The following WNK2 variants were observed in gnomAD, a reference collection of about 807,000 sequenced individuals.
WNK2 encodes serine/threonine-protein kinase WNK2.
Under a neutral mutation model 192.1 loss-of-function variants are expected in WNK2, and 67 were observed. The ratio of observed to expected loss-of-function variants is 0.35; its 90% CI spans 0.29 to 0.43. The LOEUF (loss-of-function observed/expected upper bound fraction) is 0.43, where lower values mean the gene tolerates loss of function less well. WNK2 is among the 20% of genes least tolerant of loss of function. The probability of loss-of-function intolerance (pLI) is 1.00; values close to 1 mark genes in which losing one functional copy is unlikely to be tolerated. For missense variants in WNK2, 2,698 were observed against 3,089.7 expected, an observed-to-expected ratio of 0.87 and a Z score of 3.01; for synonymous variants, 1,439 against 1,393.9, an observed-to-expected ratio of 1.03 and a Z score of -0.72.
chr9:93,186,023 A>G (rs1176062568), intron 2 of WNK2, among the ~76,000 whole-genome samples: 4 of 152,152 alleles, frequency 2.6e-5, no homozygotes, highest in African/African-American at 9.7e-5. Flanking sequence ...TGGAGGCTTC[A>G]AGGCCCGGTG....
chr9:93,253,655 C>T (rs1178177845), intron 9 of WNK2, among the ~76,000 whole-genome samples: 1 of 151,880 alleles, frequency 6.6e-6, no homozygotes, highest in Non-Finnish European at 1.5e-5. Flanking sequence ...GAAAATAGGG[C>T]GGGGATGAGG....
intron 2 of WNK2, among the ~76,000 whole-genome samples, chr9:93,213,737 C>T (rs7026078): frequency 0.13 from 19,106 of 151,926 alleles, 1,838 homozygotes; most frequent in East Asian, 0.31. Context: ...TGCAGTAAGC[C>T]GAGATCACAC....
In WNK2 at chr9:93,253,055, G is replaced by T; in HGVS notation, c.2007G>T (p.Leu669=). 6.6e-7 allele frequency: 1 copy of T among 1,509,496 alleles called. No individual in the cohort carries two copies. Among genetic ancestry groups the T allele is most frequent in the East Asian group, 2.6e-5 (1 of 39,002 alleles). 93.5% of individuals were successfully genotyped at this position (1,509,496 alleles called of 1,614,324 possible). A position where few individuals can be genotyped will look rare whatever the true frequency, so the allele number is the denominator to read the frequency against. Residue 669 remains leucine, a synonymous_variant, in exon 9 of 30, where the codon CTG becomes CTT. Coordinates refer to ENST00000427277, the MANE Select transcript of WNK2 (RefSeq NM_006648.4). ...TCCTGCCGCAGAGCCTGCCCTCGCT[G>T]GGGGCCTACCAGCAGCCCACGGCTG... ...GPVLPQSLPS[L]GAYQQPTAAP...
intron 28 of WNK2, among the ~76,000 whole-genome samples, chr9:93,311,012 T>G (rs1303671096): frequency 6.6e-6 from 1 of 152,158 alleles, no homozygotes; most frequent in Non-Finnish European, 1.5e-5. Flanking sequence ...ACTGTTCATC[T>G]CCATCTCTTT....
At chr9:93,203,984 T>C (rs1385895683) in intron 2 of WNK2, among the ~76,000 whole-genome samples, 3 of 151,940 alleles carry the variant, frequency 2.0e-5, no homozygotes, top group South Asian at 2.1e-4. Context: ...CCTGGAGACA[T>C]TGATGGGGCT....
intron 28 of WNK2, among the ~76,000 whole-genome samples, chr9:93,314,710 G>A (rs972356947): frequency 6.6e-6 from 1 of 152,156 alleles, no homozygotes; most frequent in Non-Finnish European, 1.5e-5. Flanking sequence ...AAAAATGGGT[G>A]CCCTTTACAG....
In WNK2 at chr9:93,308,533, G is replaced by A; in HGVS notation, c.6465G>A (p.Leu2155=). 6.2e-7 allele frequency: 1 copy of A among 1,603,520 alleles called. No individual in the cohort carries two copies. The highest frequency in any genetic ancestry group is 1.7e-5 in the Admixed American group (1 of 58,838). ...TLNQLKQTQK[L]QDMEAQAGWA... ...ACCAGCTGAAGCAGACCCAGAAGCT[G>A]CAAGACATGGAGGCCCAGGCAGGCT... Residue 2155 remains leucine, a synonymous_variant, in exon 28 of 30, where the codon CTG becomes CTA. Coordinates refer to ENST00000427277, the MANE Select transcript of WNK2 (RefSeq NM_006648.4).
intron 2 of WNK2, among the ~76,000 whole-genome samples, chr9:93,211,349 C>G (rs1292672657): frequency 6.7e-6 from 1 of 149,874 alleles, no homozygotes; most frequent in Non-Finnish European, 1.5e-5. Context: ...TACTCATTCA[C>G]TCATCTACTC....
At chr9:93,211,048 CCTCA>C (rs946508120) in intron 2 of WNK2, among the ~76,000 whole-genome samples, 1 of 152,196 alleles carries the variant, frequency 6.6e-6, no homozygotes, top group African/African-American at 2.4e-5. Flanking sequence ...TCACACATTC[CCTCA>C]CTCATACATT....
chr9:93,269,786 T>C (rs906040766), intron 19 of WNK2, among the ~76,000 whole-genome samples: 5 of 152,190 alleles, frequency 3.3e-5, no homozygotes, highest in African/African-American at 1.2e-4. Flanking sequence ...CTTTCCTTCA[T>C]CTATGCACTG....
At position 93,317,581 on chromosome 9, in the gene WNK2, C is replaced by G. The variant is rs1368800667; in HGVS notation, c.6578C>G (p.Ser2193Cys). The part of the protein sequence containing the change: ...PRLPPAPGPL[S>C]TTVIPGAAPT... Reference sequence around the variant, plus strand: ...CTGCCCCCAGCGCCCGGCCCTCTGTCCACCACGGTCATTCCCGGAGCCGCC... The same window carrying G: ...CTGCCCCCAGCGCCCGGCCCTCTGTGCACCACGGTCATTCCCGGAGCCGCC... The change falls in exon 29 of 30, where the codon TCC becomes TGC. Residue 2193 changes from serine to cysteine, a missense_variant. Transcript: ENST00000427277. 1 of 1,613,490 alleles carries G rather than the reference C, an allele frequency of 6.2e-7. No individual in the cohort carries two copies. The highest frequency in any genetic ancestry group is 8.5e-7 in the Non-Finnish European group (1 of 1,179,876).
intron 19 of WNK2, among the ~76,000 whole-genome samples, chr9:93,272,024 G>A (rs1159208441): frequency 6.6e-6 from 1 of 152,188 alleles, no homozygotes; most frequent in African/African-American, 2.4e-5. Context: ...TGTTTCCAGG[G>A]AAAATACCCT....
chr9:93,298,469 C>T (rs112266167), intron 24 of WNK2, among the ~76,000 whole-genome samples: 87 of 152,248 alleles, frequency 5.7e-4, no homozygotes, highest in African/African-American at 1.7e-3. Context: ...TGGGGGAGGA[C>T]GGGAGGACGG....
rs747358742 is a variant in WNK2 at position 93,259,421 on chromosome 9, C to T, written c.2873C>T (p.Pro958Leu). ...CTGCCCCCACAACCCGTGCTGCCCCCGCAACCCACGCTGCCCCCTCAACCT... is the reference window on the plus strand; with the variant it reads ...CTGCCCCCACAACCCGTGCTGCCCCTGCAACCCACGCTGCCCCCTCAACCT... ...PTLPPQPVLP[P>L]QPTLPPQPVL... The change falls in exon 12 of 30, where the codon CCG becomes CTG. Residue 958 changes from proline (P) to leucine (L), a missense_variant. This residue lies in a region of WNK2 where 893 missense variants were observed against 909.0 expected (regional missense o/e 0.98). Coordinates refer to ENST00000427277, the MANE Select transcript of WNK2 (RefSeq NM_006648.4). This position sits in a 1 kb window ranked among gnomAD's most constrained non-coding sequence, Gnocchi z 4.8. 20 of 1,553,090 alleles carry T rather than the reference C, an allele frequency of 1.3e-5. No individual in the cohort carries two copies. The highest frequency in any genetic ancestry group is 2.4e-5 in the East Asian group (1 of 41,640).
chr9:93,312,467 C>T (rs1430476940), intron 28 of WNK2, among the ~76,000 whole-genome samples: 5 of 152,002 alleles, frequency 3.3e-5, no homozygotes, highest in Admixed American at 6.6e-5. Context: ...CTCTGCCTCC[C>T]GGGTTCAAGC....
rs928381460 is a variant in WNK2 at position 93,229,125 on chromosome 9, A to G, written c.682-571A>G. Among the ~76,000 whole-genome samples, 24 of 152,080 alleles carry G rather than the reference A, an allele frequency of 1.6e-4. No homozygotes were observed. Among genetic ancestry groups the G allele is most frequent in the Non-Finnish European group, 2.9e-4 (20 of 68,012 alleles). On this transcript the variant is annotated intron_variant, in intron 2 of 29. Transcript: ENST00000427277. This position sits in a 1 kb window ranked among gnomAD's most constrained non-coding sequence, Gnocchi z 4.9. The stretch of plus-strand genomic sequence containing the variant: ...CTGGCTTGTGCAGACACAGTGGCCC[A>G]AGGGTCTGGGGAGGTGTCTGCTGTG...
Position 93,247,518 on chromosome 9 carries a change from G to A in WNK2, c.1543-25G>A, listed in dbSNP as rs1841936427. ...CCGGTGAGGGCTGATCCCCAGCGAT[G>A]CTGACAACATGACTGCCTTTACAGA... On this transcript the variant is annotated intron_variant, in intron 7 of 29. Coordinates refer to ENST00000427277, the MANE Select transcript of WNK2 (RefSeq NM_006648.4). This position sits in a 1 kb window ranked among gnomAD's most constrained non-coding sequence, Gnocchi z 5.2. 1.2e-6 allele frequency: 2 copies of A among 1,603,164 alleles called. No individual in the cohort carries two copies. The highest frequency in any genetic ancestry group is 1.3e-5 in the African/African-American group (1 of 74,762).
intron 18 of WNK2, 67 bp from the exon 19 acceptor site, chr9:93,268,560 A>G: frequency 6.4e-7 from 1 of 1,559,190 alleles, no homozygotes. Flanking sequence ...GGTGCAGGTG[A>G]TGGGGGTCAC....
chr9:93,185,204 GCCCCGCCGC>G lies in WNK2; in HGVS notation c.282_290del (p.Ala95_Ala97del). The G allele has an allele frequency of 3.5e-6, 4 of 1,157,966 alleles. No individual in the cohort carries two copies. The highest frequency in any genetic ancestry group is 4.2e-6 in the Non-Finnish European group (4 of 942,714). 71.7% of individuals were successfully genotyped at this position (1,157,966 alleles called of 1,614,324 possible). On this transcript the variant is annotated inframe_deletion, in exon 2 of 30. Transcript: ENST00000427277. ...CTCATCGCGGAGCGCGCCCGCGGAC[GCCCCGCCGC>G]CCCCGCGCCCGCAGCGCTGGTAGCG...
Sources: gnomAD v4.1 joint callset for allele counts (sites outside exome capture counted in the v4.1 genomes callset) on GRCh38, gnomAD v4.1.1 for gene constraint, gnomAD v4.1.1 regional missense constraint, Gnocchi (gnomAD v3.1) non-coding constraint, MANE v1.5 for transcripts, NCBI Gene and HGNC (gene_info 2026-07-23, HGNC 2026-07-21) for gene names.